Variants in PRKG2 observed in about 807,000 individuals in gnomAD.
PRKG2 encodes protein kinase cGMP-dependent 2, also known as cGMP-dependent protein kinase 2.
In PRKG2, 33 loss-of-function variants were observed where a neutral mutation model predicts 97.2. The observed-to-expected ratio is 0.34, with a 90% CI of 0.26 to 0.45. The LOEUF (loss-of-function observed/expected upper bound fraction) is 0.45, where lower values mean the gene tolerates loss of function less well. Among genes scored for constraint, PRKG2 ranks in the 20% least tolerant of loss-of-function variants. The pLI is 1.00. For missense variants in PRKG2, 638 were observed against 900.0 expected (o/e 0.71, Z 3.73); for synonymous variants, 330 against 321.8 (o/e 1.03, Z -0.27).
At chr4:81,189,115 T>G (rs1211604730) in intron 2 of PRKG2, among the ~76,000 whole-genome samples, 1 of 98,234 alleles carries the variant, frequency 1.0e-5, no homozygotes, top group Non-Finnish European at 1.8e-5. Flanking sequence ...TGCACAATGT[T>G]TCAGTAGAGC....
At chr4:81,125,722 T>C (rs773686294) in intron 14 of PRKG2, among the ~76,000 whole-genome samples, 2 of 152,196 alleles carry the variant, frequency 1.3e-5, no homozygotes, top group African/African-American at 4.8e-5. Context: ...AAATTTCTTT[T>C]TCTACTAGAA....
At chr4:81,131,429 C>T (rs1005735842) in intron 14 of PRKG2, among the ~76,000 whole-genome samples, 8 of 152,174 alleles carry the variant, frequency 5.3e-5, no homozygotes, top group Admixed American at 1.3e-4. Context: ...ATCTTGCCAG[C>T]CACCATGAAG....
At chr4:81,191,974 G>T (rs1024213677) in intron 2 of PRKG2, among the ~76,000 whole-genome samples, 1 of 152,034 alleles carries the variant, frequency 6.6e-6, no homozygotes, top group Non-Finnish European at 1.5e-5. Flanking sequence ...TCACTCCTAG[G>T]TTTATACCCA....
intron 13 of PRKG2, among the ~76,000 whole-genome samples, 162 bp downstream of exon 13, chr4:81,137,231 G>C (rs1024108897): frequency 6.6e-6 from 1 of 152,106 alleles, no homozygotes; most frequent in African/African-American, 2.4e-5. Flanking sequence ...GTGGTGTTAC[G>C]GCACTATTGT....
Position 81,087,471 on chromosome 4 carries a change from A to G in PRKG2, c.*2237T>C, listed in dbSNP as rs1319448181. The G allele has an allele frequency of 6.6e-6, 1 of 152,132 alleles. No homozygotes were observed. Among genetic ancestry groups the G allele is most frequent in the Non-Finnish European group, 1.5e-5 (1 of 67,986 alleles). The allele number at this position is 152,132 out of a possible 1,614,324, so 9.4% of individuals were successfully genotyped here. ...TTCTGCATACAGATACCAATGATAC[A>G]TAAGATTCAGGACTAAATGGTTATT... is the stretch of plus-strand genomic sequence containing the variant. On this transcript the variant is annotated 3_prime_UTR_variant, in exon 19 of 19. Transcript: ENST00000264399.
At chr4:81,151,496 G>A (rs149134445) in intron 8 of PRKG2, among the ~76,000 whole-genome samples, 48 of 152,098 alleles carry the variant, frequency 3.2e-4, no homozygotes, top group African/African-American at 1.1e-3. Context: ...ACTATTTTGA[G>A]TTGTTTTTAA....
At chr4:81,164,648 G>A (rs1749833494) in intron 6 of PRKG2, among the ~76,000 whole-genome samples, 1 of 134,180 alleles carries the variant, frequency 7.5e-6, no homozygotes, top group Admixed American at 7.2e-5. Flanking sequence ...GTGTGGATCT[G>A]GGGGCCCCAA....
At chr4:81,190,175 C>T (rs1363349836) in intron 2 of PRKG2, among the ~76,000 whole-genome samples, 3 of 152,138 alleles carry the variant, frequency 2.0e-5, no homozygotes, top group Non-Finnish European at 2.9e-5. Flanking sequence ...TGACTTCAAA[C>T]TATTGGACAT....
chr4:81,153,825 C>G (rs1748673468), intron 6 of PRKG2, 104 bp from the exon 7 acceptor site: 2 of 768,642 alleles, frequency 2.6e-6, no homozygotes, highest in Admixed American at 2.2e-5. Context: ...GCGCAGAAGA[C>G]GGGTGATTTC....
At chr4:81,147,623 A>T (rs939891653) in intron 9 of PRKG2, among the ~76,000 whole-genome samples, 9 of 152,098 alleles carry the variant, frequency 5.9e-5, no homozygotes, top group Non-Finnish European at 1.3e-4. Context: ...TTTTGAACAC[A>T]TGCTTGGGAG....
Position 81,153,731 on chromosome 4 carries a change from TGA to T in PRKG2, c.913-12_913-11del, listed in dbSNP as rs756284382. 3 of 1,587,690 alleles carry T rather than the reference TGA, an allele frequency of 1.9e-6. No individual in the cohort carries two copies. Among genetic ancestry groups the T allele is most frequent in the East Asian group, 2.2e-5 (1 of 44,752 alleles). ...CTTTGTCATAGTATTCCTGTTGGGA[TGA>T]GAGAGAAAGAAAATGTAAGAGCGGG... On this transcript the variant is annotated splice_polypyrimidine_tract_variant and intron_variant, in intron 6 of 18. Coordinates refer to ENST00000264399, the MANE Select transcript of PRKG2 (RefSeq NM_006259.3).
intron 9 of PRKG2, 126 bp downstream of exon 9, chr4:81,148,758 T>G: frequency 1.2e-6 from 1 of 829,656 alleles, no homozygotes; most frequent in South Asian, 1.5e-5. Flanking sequence ...AGAATGTACT[T>G]GCAGCTGAGA....
chr4:81,151,806 C>T (rs576885928), intron 8 of PRKG2, among the ~76,000 whole-genome samples, 154 bp downstream of exon 8: 6 of 151,996 alleles, frequency 3.9e-5, no homozygotes, highest in South Asian at 2.1e-4. Flanking sequence ...ACTCATTTCC[C>T]GCATAAAAAT....
At chr4:81,126,144 T>G (rs1395217184) in intron 14 of PRKG2, among the ~76,000 whole-genome samples, 1 of 152,220 alleles carries the variant, frequency 6.6e-6, no homozygotes, top group Non-Finnish European at 1.5e-5. Flanking sequence ...TTTCTGTTCC[T>G]GTGTTAATTT....
At chr4:81,208,737 CGGGAGTAA>C (rs1753812155) in intron 1 of PRKG2, among the ~76,000 whole-genome samples, 2 of 151,996 alleles carry the variant, frequency 1.3e-5, no homozygotes, top group South Asian at 4.2e-4. Flanking sequence ...AGGTGGTGGC[CGGGAGTAA>C]GGGACTCTTA....
At chr4:81,099,893 A>G (rs1742544624) in intron 17 of PRKG2, among the ~76,000 whole-genome samples, 1 of 152,186 alleles carries the variant, frequency 6.6e-6, no homozygotes, top group Non-Finnish European at 1.5e-5. Flanking sequence ...ATGTGCAAAA[A>G]TCACAAGCAT....
At chr4:81,194,671 G>C (rs1752834568) in intron 2 of PRKG2, among the ~76,000 whole-genome samples, 1 of 152,152 alleles carries the variant, frequency 6.6e-6, no homozygotes, top group Non-Finnish European at 1.5e-5. Context: ...GTTTAACAAT[G>C]AAATGTTGAA....
At chr4:81,125,180 A>G (rs1745433843) in intron 14 of PRKG2, among the ~76,000 whole-genome samples, 2 of 152,232 alleles carry the variant, frequency 1.3e-5, no homozygotes, top group South Asian at 2.1e-4. Context: ...TATAAGAAAT[A>G]AAATCCATAT....
intron 6 of PRKG2, among the ~76,000 whole-genome samples, chr4:81,156,644 G>A (rs896378281): frequency 7.2e-5 from 11 of 152,038 alleles, no homozygotes; most frequent in African/African-American, 1.4e-4. Context: ...TCAGCACCAC[G>A]CCACACCTAC....
Sources: allele counts gnomAD v4.1 joint callset (sites outside exome capture counted in the v4.1 genomes callset), GRCh38; gene constraint gnomAD v4.1.1; transcripts MANE v1.5; gene names NCBI Gene and HGNC (gene_info 2026-07-23, HGNC 2026-07-21).